Variants in RABEP1 observed in about 807,000 individuals in gnomAD.
RABEP1 encodes the protein rab GTPase-binding effector protein 1.
RABEP1 carries 51 observed loss-of-function variants against 123.4 expected under a neutral mutation model. That is an observed-to-expected ratio of 0.41 (90% CI 0.33 to 0.52). The LOEUF is 0.52. Among genes scored for constraint, RABEP1 ranks in the 20% least tolerant of loss-of-function variants. The pLI, the probability that RABEP1 is intolerant of heterozygous loss-of-function variation, is 0.16. For missense variants in RABEP1, 888 were observed against 996.3 expected, an observed-to-expected ratio of 0.89 and a Z score of 1.46; for synonymous variants, 347 against 355.2, an observed-to-expected ratio of 0.98 and a Z score of 0.26.
intron 7 of RABEP1, among the ~76,000 whole-genome samples, chr17:5,351,169 A>G (rs1435030401): frequency 2.0e-5 from 3 of 152,174 alleles, no homozygotes; most frequent in Non-Finnish European, 4.4e-5. Context: ...ACTAGGTGAC[A>G]TGATATGAAT....
chr17:5,327,221 G>A (rs1906065103), intron 2 of RABEP1, among the ~76,000 whole-genome samples: 1 of 152,064 alleles, frequency 6.6e-6, no homozygotes, highest in African/African-American at 2.4e-5. Flanking sequence ...GGTGGCACAT[G>A]CCTGTAATCC....
rs1426767443 is a variant in RABEP1 at position 5,383,133 on chromosome 17, G to A, written c.2499G>A (p.Glu833=). Residue 833 remains glutamate, a synonymous_variant, in exon 18 of 18, where the codon GAG becomes GAA. Coordinates refer to ENST00000537505, the MANE Select transcript of RABEP1 (RefSeq NM_004703.6). ...CATTGTTTCTCCAGGTGCAGTTAGA[G>A]CGGATCCGGCAAGCTGACTCCTTGG... ...KLSQTLQVQL[E]RIRQADSLER... is the part of the protein sequence containing the mutation. 6.2e-7 allele frequency: 1 copy of A among 1,614,144 alleles called. No individual in the cohort carries two copies. The highest frequency in any genetic ancestry group is 2.2e-5 in the East Asian group (1 of 44,888).
chr17:5,310,834 G>A (rs958583831), intron 2 of RABEP1, among the ~76,000 whole-genome samples: 30 of 143,928 alleles, frequency 2.1e-4, no homozygotes, highest in Non-Finnish European at 2.6e-4. Flanking sequence ...TTTTGAGACC[G>A]AGTCTCGCTG....
chr17:5,311,528 C>G (rs2075240605), intron 2 of RABEP1, among the ~76,000 whole-genome samples: 1 of 151,378 alleles, frequency 6.6e-6, no homozygotes, highest in Non-Finnish European at 1.5e-5. Flanking sequence ...AACTCTGTCT[C>G]TACAAAAAAA....
In RABEP1 at chr17:5,328,690, C is replaced by T. The variant is rs374504722; in HGVS notation, c.164-3259C>T. On this transcript the variant is annotated intron_variant, in intron 2 of 17. Transcript: ENST00000537505. ...AAAAAAAGCCGGGCGCAGTGGCTCA[C>T]GCCTGTAATCCCAGCACTTTGGGAG... Among the ~76,000 whole-genome samples the T allele has an allele frequency of 2.6e-4, 36 of 137,502 alleles. No homozygotes were observed. The South Asian group carries it at 6.3e-3, about 24-fold the overall frequency. 90.2% of individuals were successfully genotyped at this position (137,502 alleles called of 152,430 possible). A position where few individuals can be genotyped will look rare whatever the true frequency, so the allele number is the denominator to read the frequency against.
Position 5,378,205 on chromosome 17 carries a change from A to C in RABEP1, c.2244A>C (p.Leu748Phe). Residue 748 changes from leucine to phenylalanine, a missense_variant, in exon 15 of 18, where the codon TTA becomes TTC. Coordinates refer to ENST00000537505, the MANE Select transcript of RABEP1 (RefSeq NM_004703.6). ...IASISSLKAE[L>F]ERIKVEKGQL... ...CTATTTCTAGCCTAAAAGCTGAATT[A>C]GAAAGAATAAAAGTGGAAAAAGGAC... 6.3e-7 allele frequency: 1 copy of C among 1,592,912 alleles called. No individual in the cohort carries two copies.
intron 11 of RABEP1, 121 bp downstream of exon 11, chr17:5,365,359 A>C: frequency 1.7e-6 from 1 of 592,828 alleles, no homozygotes; most frequent in Non-Finnish European, 2.8e-6. Context: ...ATTTTCCCTC[A>C]GGTAAAAAGA....
chr17:5,347,410 A>AAAACAAAC (rs72095260), intron 6 of RABEP1, among the ~76,000 whole-genome samples: 43 of 150,342 alleles, frequency 2.9e-4, no homozygotes, highest in South Asian at 8.5e-4. Flanking sequence ...ACTTCATCTC[A>AAAACAAAC]AAACAAACAA....
rs760836164 is a variant in RABEP1 at position 5,361,196 on chromosome 17, T to G, written c.1096-12T>G. ...ATTGTCTAACTTGGCCATATGTATT[T>G]TCACATTTCAGGAGCATTTAGACAG... On this transcript the variant is annotated splice_polypyrimidine_tract_variant and intron_variant, in intron 8 of 17. Transcript: ENST00000537505. 1.9e-6 allele frequency: 3 copies of G among 1,598,844 alleles called. No homozygotes were observed. The highest frequency in any genetic ancestry group is 2.6e-6 in the Non-Finnish European group (3 of 1,171,948).
chr17:5,379,004 G>T (rs1485345555), intron 15 of RABEP1, among the ~76,000 whole-genome samples: 1 of 152,124 alleles, frequency 6.6e-6, no homozygotes, highest in Non-Finnish European at 1.5e-5. Context: ...GCTGTCCCCA[G>T]CTGCTGATGC....
chr17:5,359,596 A>T (rs1363245701), intron 8 of RABEP1, among the ~76,000 whole-genome samples: 1 of 152,200 alleles, frequency 6.6e-6, no homozygotes, highest in African/African-American at 2.4e-5. Context: ...TTGCAGTTTC[A>T]GATGAGTAAC....
intron 8 of RABEP1, chr17:5,360,854 G>A (rs55885784): frequency 0.011 from 2,641 of 242,570 alleles, 67 homozygotes; most frequent in African/African-American, 0.051. Flanking sequence ...TGCAGGTGAC[G>A]TTCCTCAACT....
Position 5,365,057 on chromosome 17 carries a change from G to T in RABEP1, c.1669-65G>T, listed in dbSNP as rs1909895203. ...ATTTTTTTTTAAAATTCTGGAGTTA[G>T]ATTTAAAAAAAAAAAAATTATAAAA... On this transcript the variant is annotated intron_variant, in intron 10 of 17. Transcript: ENST00000537505. 1.3e-5 allele frequency: 12 copies of T among 953,516 alleles called. No homozygotes were observed. In the East Asian group the frequency reaches 3.2e-4, roughly 26 times the overall value. 59.1% of individuals were successfully genotyped at this position (953,516 alleles called of 1,614,324 possible). A position where few individuals can be genotyped will look rare whatever the true frequency, so the allele number is the denominator to read the frequency against.
intron 1 of RABEP1, among the ~76,000 whole-genome samples, chr17:5,304,021 C>T (rs866696490): frequency 5.8e-5 from 8 of 138,478 alleles, no homozygotes; most frequent in Non-Finnish European, 7.8e-5. Context: ...GCGACAAGAG[C>T]GAAATTCCAT....
At chr17:5,357,965 C>G (rs1025729071) in intron 8 of RABEP1, among the ~76,000 whole-genome samples, 1 of 152,090 alleles carries the variant, frequency 6.6e-6, no homozygotes, top group African/African-American at 2.4e-5. Context: ...AGGGTCTGTT[C>G]TTAGCTGTCT....
chr17:5,380,907 A>G (rs1911395125), intron 16 of RABEP1, among the ~76,000 whole-genome samples: 1 of 152,206 alleles, frequency 6.6e-6, no homozygotes, highest in Non-Finnish European at 1.5e-5. Flanking sequence ...GTCAGACCTG[A>G]AAGTGCAGAC....
At chr17:5,283,392 T>A (rs1213505099) in intron 1 of RABEP1, among the ~76,000 whole-genome samples, 1 of 152,174 alleles carries the variant, frequency 6.6e-6, no homozygotes. Context: ...CAAAGTTGGT[T>A]GTCAGAGCCC....
chr17:5,344,906 T>G (rs1180620850), intron 5 of RABEP1, among the ~76,000 whole-genome samples: 1 of 151,088 alleles, frequency 6.6e-6, no homozygotes, highest in African/African-American at 2.4e-5. Flanking sequence ...GACGTTGCAG[T>G]AAGCTGAGAT....
chr17:5,380,595 T>A (rs1911373071), intron 16 of RABEP1, 133 bp downstream of exon 16: 1 of 789,276 alleles, frequency 1.3e-6, no homozygotes, highest in African/African-American at 1.7e-5. Flanking sequence ...TGACAGCTTG[T>A]GAAAAGAAAA....
Sources: allele counts gnomAD v4.1 joint callset (sites outside exome capture counted in the v4.1 genomes callset), GRCh38; gene constraint gnomAD v4.1.1; transcripts MANE v1.5; gene names NCBI Gene and HGNC (gene_info 2026-07-23, HGNC 2026-07-21).